CRYBG1: variants seen among roughly 807,000 people sequenced by gnomAD.
CRYBG1 encodes the protein crystallin beta-gamma domain containing 1.
Under a neutral mutation model 189.2 loss-of-function variants are expected in CRYBG1, and 139 were observed. The observed-to-expected ratio is 0.73, with a 90% CI of 0.64 to 0.85. The LOEUF (loss-of-function observed/expected upper bound fraction) is 0.85, where lower values mean the gene tolerates loss of function less well. CRYBG1 is among the 40% of genes least tolerant of loss of function. The pLI is 0.00. For missense variants in CRYBG1, 2,611 were observed against 2,675.8 expected (o/e 0.98, Z 0.53); for synonymous variants, 1,023 against 1,017.1 (o/e 1.01, Z -0.11).
chr6:106,521,033 C>G lies in CRYBG1; in HGVS notation c.3825C>G (p.Asn1275Lys), dbSNP rs780341653. The G allele has an allele frequency of 1.9e-6, 3 of 1,614,166 alleles. No individual in the cohort carries two copies. The highest frequency in any genetic ancestry group is 2.5e-6 in the Non-Finnish European group (3 of 1,180,024). Residue 1275 changes from asparagine (N) to lysine (K), a missense_variant, in exon 4 of 22, where the codon AAC becomes AAG. Physicochemically the swap from Asn to Lys is moderately conservative, Grantham distance 94. This residue lies in a region of CRYBG1 where 1,622 missense variants were observed against 1,735.0 expected (regional missense o/e 0.93). Coordinates refer to ENST00000633556, the MANE Select transcript of CRYBG1 (RefSeq NM_001371242.2). ...CCACGGCTTTCAGTACTTCTCAGAA[C>G]GGTTCCCTATCTCAGTCTTCAGTGT... Reference protein sequence around the residue: ...TMTTAFSTSQNGSLSQSSVSQ... With the variant: ...TMTTAFSTSQKGSLSQSSVSQ...
At chr6:106,557,116 T>C (rs1177004556) in intron 17 of CRYBG1, among the ~76,000 whole-genome samples, 2 of 152,232 alleles carry the variant, frequency 1.3e-5, no homozygotes, top group African/African-American at 4.8e-5. Context: ...TAATTGCTTT[T>C]TAATACTAAA....
intron 1 of CRYBG1, among the ~76,000 whole-genome samples, chr6:106,376,615 A>G (rs1770167726): frequency 6.6e-6 from 1 of 150,798 alleles, no homozygotes; most frequent in Non-Finnish European, 1.5e-5. Context: ...TCCAGTACTC[A>G]CTCCCTCCCC....
At chr6:106,390,991 C>T (rs1770488703) in intron 1 of CRYBG1, among the ~76,000 whole-genome samples, 1 of 152,212 alleles carries the variant, frequency 6.6e-6, no homozygotes, top group Non-Finnish European at 1.5e-5. Flanking sequence ...TTAGTACATA[C>T]TTTCAGACTG....
rs1462168894 is a variant in CRYBG1 at position 106,521,030 on chromosome 6, G to C, written c.3822G>C (p.Gln1274His). The C allele has an allele frequency of 6.2e-7, 1 of 1,614,138 alleles. No homozygotes were observed. The highest frequency in any genetic ancestry group is 1.7e-5 in the Admixed American group (1 of 60,020). ...NTMTTAFSTSQNGSLSQSSVS... is the reference protein window; with the variant it reads ...NTMTTAFSTSHNGSLSQSSVS... ...TGACCACGGCTTTCAGTACTTCTCA[G>C]AACGGTTCCCTATCTCAGTCTTCAG... is the stretch of plus-strand genomic sequence containing the variant. Residue 1274 changes from glutamine (Q) to histidine (H), a missense_variant, in exon 4 of 22, where the codon CAG becomes CAC. Gln to His is a conservative substitution (Grantham distance 24). Coordinates refer to ENST00000633556, the MANE Select transcript of CRYBG1 (RefSeq NM_001371242.2).
At chr6:106,389,945 G>A (rs949576999) in intron 1 of CRYBG1, among the ~76,000 whole-genome samples, 6 of 151,932 alleles carry the variant, frequency 3.9e-5, no homozygotes, top group Non-Finnish European at 5.9e-5. Context: ...AAAATATTTC[G>A]TTGTTCACCC....
At chr6:106,387,299 A>AG (rs11381864) in intron 1 of CRYBG1, among the ~76,000 whole-genome samples, 26,020 of 152,128 alleles carry the variant, frequency 0.17, 3,476 homozygotes, top group African/African-American at 0.37. Flanking sequence ...ATGGAAAAAA[A>AG]TTTGTGATAC....
At chr6:106,552,162 T>G (rs1304453232) in intron 14 of CRYBG1, 22 bp from the exon 15 acceptor site, 1 of 1,578,830 alleles carries the variant, frequency 6.3e-7, no homozygotes, top group Non-Finnish European at 8.6e-7. Context: ...TTTCCTTTTC[T>G]CCTTCCTTTA....
At chr6:106,511,375 A>C in intron 2 of CRYBG1, 55 bp from the exon 3 acceptor site, 1 of 1,428,312 alleles carries the variant, frequency 7.0e-7, no homozygotes, top group African/African-American at 1.4e-5. Flanking sequence ...TGTACGTCTA[A>C]GGGGAAAAAC....
Position 106,571,986 on chromosome 6 carries a change from G to C in CRYBG1, c.*3420G>C. ...TAAGAACGTCAACAATCACTAAACT[G>C]CATTTTTATTTAAACAACATTAATT... On this transcript the variant is annotated 3_prime_UTR_variant, in exon 22 of 22. Coordinates refer to ENST00000633556, the MANE Select transcript of CRYBG1 (RefSeq NM_001371242.2). The C allele has an allele frequency of 1.3e-6, 2 of 1,598,168 alleles. No individual in the cohort carries two copies.
At chr6:106,375,140 T>G (rs909964366) in intron 1 of CRYBG1, among the ~76,000 whole-genome samples, 39 of 151,666 alleles carry the variant, frequency 2.6e-4, no homozygotes, top group African/African-American at 9.2e-4. Context: ...CGCAACACCT[T>G]GGGGAAGCTG....
intron 2 of CRYBG1, among the ~76,000 whole-genome samples, chr6:106,478,668 A>G (rs1439754660): frequency 6.6e-6 from 1 of 152,256 alleles, no homozygotes; most frequent in African/African-American, 2.4e-5. Context: ...ATACCAGTCC[A>G]TGACCTGTTA....
chr6:106,512,527 G>A lies in CRYBG1; in HGVS notation c.1410G>A (p.Pro470=), dbSNP rs1318345620. ...CGGCGGAAAAGAAAGTGAAATCTCC[G>A]CGGGCAGCCCTCGACGGGGGCGTTG... ...NASAEKKVKS[P]RAALDGGVAS... is the part of the protein sequence containing the mutation. The change falls in exon 3 of 22, where the codon CCG becomes CCA. Residue 470 remains proline, a synonymous_variant. Coordinates refer to ENST00000633556, the MANE Select transcript of CRYBG1 (RefSeq NM_001371242.2). The A allele has an allele frequency of 6.2e-7, 1 of 1,609,694 alleles. No homozygotes were observed. The highest frequency in any genetic ancestry group is 8.5e-7 in the Non-Finnish European group (1 of 1,178,562).
chr6:106,437,695 C>T (rs1435199010), intron 1 of CRYBG1, among the ~76,000 whole-genome samples: 1 of 152,208 alleles, frequency 6.6e-6, no homozygotes. Flanking sequence ...CCTTGGCCTC[C>T]CAAAGTCCTA....
intron 1 of CRYBG1, among the ~76,000 whole-genome samples, chr6:106,444,217 A>C (rs1171166546): frequency 6.6e-6 from 1 of 152,228 alleles, no homozygotes; most frequent in Non-Finnish European, 1.5e-5. Flanking sequence ...GATGATAAGA[A>C]TTTGAATTGC....
In CRYBG1 at chr6:106,462,207, G is replaced by T. The variant is rs570410927; in HGVS notation, c.312+10375G>T. ...TTGTTTTGAGACGGAGTCTCGCTCTGTCGCCCAGGCTGGAGTGCAGTGGCG... is the reference window on the plus strand; with the variant it reads ...TTGTTTTGAGACGGAGTCTCGCTCTTTCGCCCAGGCTGGAGTGCAGTGGCG... On this transcript the variant is annotated intron_variant, in intron 2 of 21. Transcript: ENST00000633556. Among the ~76,000 whole-genome samples, 5 of 152,138 alleles carry T rather than the reference G, an allele frequency of 3.3e-5. No homozygotes were observed. In the South Asian group the frequency reaches 1.0e-3, roughly 32 times the overall value.
rs1309047549 is a variant in CRYBG1, at chr6:106,555,897, TGTAA to T, written c.5715+4_5715+7del. 1.2e-6 allele frequency: 2 copies of T among 1,614,170 alleles called. No homozygotes were observed. Among genetic ancestry groups the T allele is most frequent in the African/African-American group, 1.3e-5 (1 of 75,050 alleles). ...TCAAGTCTCTTCGTTTTATAGATGT[TGTAA>T]GTATGTCATTGTGAATAGTGTTGCA... On this transcript the variant is annotated splice_donor_variant and splice_donor_region_variant and intron_variant, in intron 17 of 21. Coordinates refer to ENST00000633556, the MANE Select transcript of CRYBG1 (RefSeq NM_001371242.2). LOFTEE classifies it high-confidence loss of function.
At chr6:106,549,700 A>G (rs1774353912) in intron 13 of CRYBG1, among the ~76,000 whole-genome samples, 1 of 152,202 alleles carries the variant, frequency 6.6e-6, no homozygotes, top group Admixed American at 6.5e-5. Context: ...AGTGGTGCAT[A>G]TAGCAGCTTC....
chr6:106,520,117 T>A lies in CRYBG1; in HGVS notation c.2909T>A (p.Val970Glu), dbSNP rs1428842285. 1 of 1,614,140 alleles carries A rather than the reference T, an allele frequency of 6.2e-7. No homozygotes were observed. The highest frequency in any genetic ancestry group is 8.5e-7 in the Non-Finnish European group (1 of 1,180,000). ...CTCCCCGTGGAGAGCACCCAGGATG[T>A]GAGCTCCCAGGTCATCCCAGAGAGC... ...FVLPVESTQD[V>E]SSQVIPESSE... Residue 970 changes from valine to glutamate, a missense_variant, in exon 4 of 22, where the codon GTG becomes GAG. Val to Glu is a moderately radical substitution (Grantham distance 121, BLOSUM62 -2). Around this residue, in one of 3 missense-constraint regions of CRYBG1, gnomAD observed 1,622 missense variants for 1,735.0 expected, o/e 0.93. Coordinates refer to ENST00000633556, the MANE Select transcript of CRYBG1 (RefSeq NM_001371242.2).
chr6:106,475,390 T>C (rs1033220894), intron 2 of CRYBG1, among the ~76,000 whole-genome samples: 6 of 152,220 alleles, frequency 3.9e-5, no homozygotes, highest in Non-Finnish European at 8.8e-5. Context: ...TTACCAGTGA[T>C]AAATGCTTTA....
Sources: gnomAD v4.1 joint callset for allele counts (sites outside exome capture counted in the v4.1 genomes callset) on GRCh38, gnomAD v4.1.1 for gene constraint, gnomAD v4.1.1 regional missense constraint, MANE v1.5 for transcripts, NCBI Gene and HGNC (gene_info 2026-07-23, HGNC 2026-07-21) for gene names.